Variants in PRUNE2 observed in about 807,000 individuals in gnomAD.
PRUNE2 encodes protein prune homolog 2.
PRUNE2 carries 164 observed loss-of-function variants against 252.0 expected under a neutral mutation model. The observed-to-expected ratio is 0.65, with a 90% confidence interval of 0.57 to 0.74. The LOEUF (loss-of-function observed/expected upper bound fraction) is 0.74. Among genes scored for constraint, PRUNE2 ranks in the 30% least tolerant of loss-of-function variants. The pLI is 0.00. For synonymous variants in PRUNE2, 1,292 were observed against 1,350.2 expected (o/e 0.96, Z 0.94); for missense variants, 3,495 against 3,711.0 (o/e 0.94, Z 1.51).
intron 4 of PRUNE2, among the ~76,000 whole-genome samples, chr9:76,839,245 G>T (rs11145098): frequency 2.6e-5 from 4 of 151,948 alleles, no homozygotes; most frequent in African/African-American, 9.7e-5. Flanking sequence ...TGTTTATCGA[G>T]GGCCTACTCT....
chr9:76,711,435 G>A (rs762910310), intron 7 of PRUNE2, 77 bp from the exon 8 acceptor site: 59 of 855,736 alleles, frequency 6.9e-5, no homozygotes, highest in East Asian at 1.1e-4. Context: ...AATTTATCTC[G>A]CTTAATTTTT....
rs769316485 is a variant in PRUNE2, at chr9:76,703,880, T to C, written c.7733A>G (p.Tyr2578Cys). Residue 2578 changes from tyrosine (Y) to cysteine (C), a missense_variant, in exon 9 of 19, where the codon TAT becomes TGT. Transcript: ENST00000376718. ...CAGCCCTGTTTCTTTGGAACCTACATACAATTCTAATTCAGCTATGCTTTC... is the reference window on the plus strand; with the variant it reads ...CAGCCCTGTTTCTTTGGAACCTACACACAATTCTAATTCAGCTATGCTTTC... ...ERESIAELEL[Y>C]VGSKETGLQG... is the part of the protein sequence containing the mutation. 16 of 1,613,786 alleles carry C rather than the reference T, an allele frequency of 9.9e-6. No homozygotes were observed. Among genetic ancestry groups the C allele is most frequent in the African/African-American group, 5.3e-5 (4 of 74,898 alleles).
At chr9:76,851,562 C>A (rs1430631443) in intron 2 of PRUNE2, among the ~76,000 whole-genome samples, 6 of 148,054 alleles carry the variant, frequency 4.1e-5, no homozygotes, top group Non-Finnish European at 7.5e-5. Flanking sequence ...AAAAAAAAAA[C>A]ACACACACAC....
At chr9:76,656,961 C>A (rs1228085532) in intron 9 of PRUNE2, among the ~76,000 whole-genome samples, 2 of 152,194 alleles carry the variant, frequency 1.3e-5, no homozygotes, top group African/African-American at 4.8e-5. Flanking sequence ...AGGAACAAGA[C>A]AACCTGTGCC....
In PRUNE2 at chr9:76,704,096, G is replaced by A; in HGVS notation, c.7517C>T (p.Ala2506Val). 2 of 1,574,508 alleles carry A rather than the reference G, an allele frequency of 1.3e-6. No individual in the cohort carries two copies. Among genetic ancestry groups the A allele is most frequent in the Non-Finnish European group, 8.6e-7 (1 of 1,162,378 alleles). Reference sequence around the variant, plus strand: ...TTCCAATTCTGATATTTCCTTGCTGGCACCTAGAAGTGGAAGTTGAAAGTG... The same window carrying A: ...TTCCAATTCTGATATTTCCTTGCTGACACCTAGAAGTGGAAGTTGAAAGTG... ...AGGDIGPPNG[A>V]SKEISELEEE... is the part of the protein sequence containing the mutation. Residue 2506 changes from alanine to valine, a missense_variant, in exon 9 of 19, where the codon GCC becomes GTC. Coordinates refer to ENST00000376718, the MANE Select transcript of PRUNE2 (RefSeq NM_015225.3).
At chr9:76,645,580 G>A (rs1030247478) in intron 11 of PRUNE2, among the ~76,000 whole-genome samples, 1 of 151,790 alleles carries the variant, frequency 6.6e-6, no homozygotes, top group African/African-American at 2.4e-5. Context: ...AAATTGATGG[G>A]TGCATAAGAC....
At chr9:76,881,259 C>T (rs1279853914) in intron 1 of PRUNE2, among the ~76,000 whole-genome samples, 1 of 152,094 alleles carries the variant, frequency 6.6e-6, no homozygotes, top group Non-Finnish European at 1.5e-5. Flanking sequence ...AGCCACCGAG[C>T]CTGGCTTCCT....
intron 6 of PRUNE2, among the ~76,000 whole-genome samples, chr9:76,750,062 G>T (rs930715993): frequency 1.3e-5 from 2 of 151,998 alleles, no homozygotes; most frequent in African/African-American, 4.8e-5. Context: ...CAGGAGGGTG[G>T]TGCATTCCAA....
chr9:76,760,931 C>T (rs1350312593), intron 6 of PRUNE2, among the ~76,000 whole-genome samples: 3 of 151,890 alleles, frequency 2.0e-5, no homozygotes, highest in Non-Finnish European at 2.9e-5. Context: ...ATTAAAAATA[C>T]AAAAATTAGC....
At chr9:76,784,016 C>T (rs1318443296) in intron 6 of PRUNE2, 1 of 152,172 alleles carries the variant, frequency 6.6e-6, no homozygotes, top group Non-Finnish European at 1.5e-5. Flanking sequence ...TTTCTTGCCT[C>T]GTATTGTCTG....
chr9:76,794,592 C>A (rs760276835), intron 6 of PRUNE2, among the ~76,000 whole-genome samples: 1 of 133,184 alleles, frequency 7.5e-6, no homozygotes, highest in Non-Finnish European at 1.5e-5. Flanking sequence ...TCCAGCCTGG[C>A]GACAAAGAGA....
chr9:76,643,716 G>A (rs1192850764), intron 12 of PRUNE2, among the ~76,000 whole-genome samples: 2 of 152,232 alleles, frequency 1.3e-5, no homozygotes, highest in Non-Finnish European at 2.9e-5. Context: ...TGCTACAGTG[G>A]TCAGGTTCCC....
rs200173026 is a variant in PRUNE2, at chr9:76,719,643, AT to A, written c.757-5923del. On this transcript the variant is annotated intron_variant, in intron 6 of 18. Coordinates refer to ENST00000376718, the MANE Select transcript of PRUNE2 (RefSeq NM_015225.3). Reference sequence around the variant, plus strand: ...CTAAAAGAAAAAAAAGATTAAAAAAATATATGTTCCTTTTTTTTTTCAGAGT... The same window carrying A: ...CTAAAAGAAAAAAAAGATTAAAAAAAATATGTTCCTTTTTTTTTTCAGAGT... 4.6e-5 allele frequency among the ~76,000 whole-genome samples: 7 copies of A among 151,954 alleles called. No individual in the cohort carries two copies. In the East Asian group the frequency reaches 9.7e-4, roughly 21 times the overall value.
chr9:76,726,385 G>A (rs982140129), intron 6 of PRUNE2, among the ~76,000 whole-genome samples: 19 of 152,120 alleles, frequency 1.2e-4, no homozygotes, highest in Admixed American at 7.2e-4. Context: ...GGTGTAACAC[G>A]CATACACAGG....
At chr9:76,693,439 C>CTTT (rs550030416) in intron 9 of PRUNE2, among the ~76,000 whole-genome samples, 24 of 108,026 alleles carry the variant, frequency 2.2e-4, no homozygotes, top group African/African-American at 7.4e-4. Flanking sequence ...AGCACCTACT[C>CTTT]TTTTTTTTTT....
intron 1 of PRUNE2, among the ~76,000 whole-genome samples, chr9:76,878,360 T>G (rs1395181315): frequency 6.6e-6 from 1 of 152,188 alleles, no homozygotes; most frequent in African/African-American, 2.4e-5. Context: ...ACAGTGCTGT[T>G]ATGAAGAAGC....
intron 5 of PRUNE2, among the ~76,000 whole-genome samples, chr9:76,825,527 G>C (rs907746481): frequency 2.6e-5 from 4 of 152,208 alleles, no homozygotes; most frequent in African/African-American, 9.6e-5. Context: ...CCTGCCCCTG[G>C]GGATGGGGTT....
At chr9:76,664,427 C>A (rs968217768) in intron 9 of PRUNE2, among the ~76,000 whole-genome samples, 1 of 152,220 alleles carries the variant, frequency 6.6e-6, no homozygotes, top group Admixed American at 6.5e-5. Flanking sequence ...TAAGCCAGAA[C>A]CATCTAGCTA....
intron 6 of PRUNE2, among the ~76,000 whole-genome samples, chr9:76,794,729 C>T (rs2055916897): frequency 6.6e-6 from 1 of 152,044 alleles, no homozygotes; most frequent in Non-Finnish European, 1.5e-5. Context: ...AGCTGTCCGA[C>T]CTCGAGCAAA....
Sources: allele counts gnomAD v4.1 joint callset (sites outside exome capture counted in the v4.1 genomes callset), GRCh38; gene constraint gnomAD v4.1.1; transcripts MANE v1.5; gene names NCBI Gene and HGNC (gene_info 2026-07-23, HGNC 2026-07-21).